DCBLD1: variants seen among roughly 807,000 people sequenced by gnomAD.
DCBLD1 encodes discoidin, CUB and LCCL domain containing 1, also known as discoidin, CUB and LCCL domain-containing protein 1.
DCBLD1 carries 57 observed loss-of-function variants against 71.5 expected under a neutral mutation model. The observed-to-expected ratio is 0.80, with a 90% CI of 0.64 to 0.99. DCBLD1 has a LOEUF of 0.99. Among genes scored for constraint, DCBLD1 ranks in the 50% least tolerant of loss-of-function variants. The pLI, the probability that DCBLD1 is intolerant of heterozygous loss-of-function variation, is 0.00. For missense variants in DCBLD1, 891 were observed against 923.5 expected, an observed-to-expected ratio of 0.96 and a Z score of 0.46; for synonymous variants, 380 against 363.8, an observed-to-expected ratio of 1.04 and a Z score of -0.51.
At chr6:117,486,096 A>G (rs1381043360) in intron 1 of DCBLD1, among the ~76,000 whole-genome samples, 1 of 152,232 alleles carries the variant, frequency 6.6e-6, no homozygotes, top group Non-Finnish European at 1.5e-5. Context: ...TTCATGTTAC[A>G]ATTTGAACCC....
intron 14 of DCBLD1, among the ~76,000 whole-genome samples, chr6:117,556,157 C>T (rs1389619025): frequency 4.6e-5 from 7 of 152,326 alleles, no homozygotes; most frequent in Non-Finnish European, 4.4e-5. Context: ...GTTTTAGTGT[C>T]GGCCTATATT....
chr6:117,537,821 A>C (rs1401627367), intron 7 of DCBLD1, among the ~76,000 whole-genome samples: 1 of 151,868 alleles, frequency 6.6e-6, no homozygotes, highest in Non-Finnish European at 1.5e-5. Context: ...CCTAATTAAC[A>C]TTAAGCAGAA....
Position 117,482,835 on chromosome 6 carries a change from C to T in DCBLD1, c.54C>T (p.Gly18=). 1 of 1,173,074 alleles carries T rather than the reference C, an allele frequency of 8.5e-7. No homozygotes were observed. Among genetic ancestry groups the T allele is most frequent in the Non-Finnish European group, 1.1e-6 (1 of 951,298 alleles). 72.7% of individuals were successfully genotyped at this position (1,173,074 alleles called of 1,614,324 possible). ...CACTGGCGCGGGCTGCCGGGCGGGG[C>T]CTCCTGGCTTTGCTGCTCGCGGTCT... is the stretch of plus-strand genomic sequence containing the variant. The part of the protein sequence containing the change: ...GGALARAAGR[G]LLALLLAVSA... The change falls in exon 1 of 15, where the codon GGC becomes GGT. Residue 18 remains glycine (G), a synonymous_variant. Coordinates refer to ENST00000338728, the MANE Select transcript of DCBLD1 (RefSeq NM_001366458.2).
At chr6:117,569,531 C>T in intron 14 of DCBLD1, 1 of 1,603,988 alleles carries the variant, frequency 6.2e-7, no homozygotes, top group Non-Finnish European at 8.5e-7. Context: ...GATTCATAAC[C>T]AATTGATAGA....
At chr6:117,489,118 T>G (rs749040758) in intron 1 of DCBLD1, among the ~76,000 whole-genome samples, 11 of 152,194 alleles carry the variant, frequency 7.2e-5, no homozygotes, top group Non-Finnish European at 1.0e-4. Context: ...TAGGTGTATT[T>G]GGCTCAAGTT....
chr6:117,487,121 G>T (rs1777115906), intron 1 of DCBLD1, among the ~76,000 whole-genome samples: 1 of 152,072 alleles, frequency 6.6e-6, no homozygotes, highest in Non-Finnish European at 1.5e-5. Flanking sequence ...GGTGACCACT[G>T]CTCTGGAGCA....
At chr6:117,542,121 C>T (rs962327821) in intron 11 of DCBLD1, among the ~76,000 whole-genome samples, 1 of 151,860 alleles carries the variant, frequency 6.6e-6, no homozygotes, top group Non-Finnish European at 1.5e-5. Flanking sequence ...GGTGAAACCC[C>T]GTCTCTAATA....
chr6:117,533,769 G>T (rs1778798447), intron 6 of DCBLD1, among the ~76,000 whole-genome samples: 1 of 152,182 alleles, frequency 6.6e-6, no homozygotes, highest in South Asian at 2.1e-4. Context: ...TCAAGACTGA[G>T]GAGCAATGTT....
chr6:117,546,210 T>C (rs1246162354), intron 14 of DCBLD1, among the ~76,000 whole-genome samples: 2 of 151,980 alleles, frequency 1.3e-5, no homozygotes, highest in Non-Finnish European at 2.9e-5. Context: ...AAATTAAGAG[T>C]AATAAAGAGT....
chr6:117,485,180 G>GT (rs1398569502), intron 1 of DCBLD1: 1 of 152,088 alleles, frequency 6.6e-6, no homozygotes, highest in Non-Finnish European at 1.5e-5. Context: ...ATACATTTTT[G>GT]TAGAATAAAA....
Position 117,489,681 on chromosome 6 carries a change from A to G in DCBLD1, c.112+6788A>G, listed in dbSNP as rs551324507. Among the ~76,000 whole-genome samples, 256 of 152,242 alleles carry G rather than the reference A, an allele frequency of 1.7e-3. 2 individuals are homozygous for G. Among genetic ancestry groups the G allele is most frequent in the African/African-American group, 5.5e-3 (229 of 41,552 alleles). ...GGGTGGATCACAAGGTCAGGAGATC[A>G]AGACCATCATGGTCTAACTCGGTGA... On this transcript the variant is annotated intron_variant, in intron 1 of 14. Transcript: ENST00000338728.
At chr6:117,519,425 C>A (rs1047947909) in intron 2 of DCBLD1, among the ~76,000 whole-genome samples, 3 of 152,164 alleles carry the variant, frequency 2.0e-5, no homozygotes, top group African/African-American at 7.2e-5. Context: ...AACTTTAAAA[C>A]TTCCCCGAAA....
At chr6:117,488,371 G>C (rs1234244468) in intron 1 of DCBLD1, among the ~76,000 whole-genome samples, 1 of 152,208 alleles carries the variant, frequency 6.6e-6, no homozygotes, top group East Asian at 1.9e-4. Context: ...AGGCCGGGCA[G>C]GGCGGCTGAC....
intron 1 of DCBLD1, among the ~76,000 whole-genome samples, chr6:117,483,333 G>A (rs1012863660): frequency 6.6e-6 from 1 of 152,190 alleles, no homozygotes; most frequent in Admixed American, 6.5e-5. Context: ...GCCGGCGCTG[G>A]GCCCTGCCCT....
intron 1 of DCBLD1, among the ~76,000 whole-genome samples, chr6:117,495,537 GA>G (rs1432226992): frequency 6.6e-6 from 1 of 152,142 alleles, no homozygotes; most frequent in Non-Finnish European, 1.5e-5. Flanking sequence ...TTACCTTAGA[GA>G]GGTAAAAAGA....
intron 5 of DCBLD1, among the ~76,000 whole-genome samples, chr6:117,528,837 CGTT>C (rs1291870202): frequency 6.6e-6 from 1 of 152,044 alleles, no homozygotes; most frequent in Non-Finnish European, 1.5e-5. Flanking sequence ...TAGGGAAGCT[CGTT>C]GTTTTTTGTT....
At chr6:117,568,105 C>T (rs1020914445) in intron 14 of DCBLD1, among the ~76,000 whole-genome samples, 22 of 151,044 alleles carry the variant, frequency 1.5e-4, no homozygotes, top group South Asian at 2.1e-4. Context: ...GGGCTGAGGT[C>T]GGAGGATCTG....
chr6:117,485,994 G>A (rs945695597), intron 1 of DCBLD1, among the ~76,000 whole-genome samples: 1 of 152,172 alleles, frequency 6.6e-6, no homozygotes, highest in Non-Finnish European at 1.5e-5. Flanking sequence ...GAAGAAAGAG[G>A]TTATGTTAAA....
chr6:117,547,164 G>A (rs1408654195), intron 14 of DCBLD1, among the ~76,000 whole-genome samples: 4 of 152,052 alleles, frequency 2.6e-5, no homozygotes, highest in Non-Finnish European at 5.9e-5. Flanking sequence ...CCAGTCTTTC[G>A]TTTCCCATAG....
Sources: allele counts gnomAD v4.1 joint callset (sites outside exome capture counted in the v4.1 genomes callset), GRCh38; gene constraint gnomAD v4.1.1; transcripts MANE v1.5; gene names NCBI Gene and HGNC (gene_info 2026-07-23, HGNC 2026-07-21).